The following COL19A1 variants were observed in gnomAD, a reference collection of about 807,000 sequenced individuals.
COL19A1 encodes collagen alpha-1(XIX) chain.
A neutral mutation model predicts 190.2 loss-of-function variants in COL19A1; 159 were observed. That is an observed-to-expected ratio of 0.84 (90% confidence interval 0.73 to 0.95). The LOEUF (loss-of-function observed/expected upper bound fraction) is 0.95. Ranked by LOEUF, COL19A1 falls within the 40% of genes least tolerant of loss-of-function variation. The pLI, the probability that COL19A1 is intolerant of heterozygous loss-of-function variation, is 0.00. For missense variants in COL19A1, 1,418 were observed against 1,431.9 expected, an observed-to-expected ratio of 0.99 and a Z score of 0.16; for synonymous variants, 509 against 458.9, an observed-to-expected ratio of 1.11 and a Z score of -1.39.
intron 14 of COL19A1, among the ~76,000 whole-genome samples, chr6:70,038,545 A>G (rs952609501): frequency 2.6e-5 from 4 of 152,248 alleles, no homozygotes; most frequent in African/African-American, 9.6e-5. Context: ...AAATGAAGTT[A>G]AGATTGAACC....
At chr6:69,886,471 C>T (rs1299710317) in intron 2 of COL19A1, among the ~76,000 whole-genome samples, 4 of 152,198 alleles carry the variant, frequency 2.6e-5, no homozygotes, top group African/African-American at 9.6e-5. Flanking sequence ...AGCAACCCCT[C>T]TTTTGGGTCT....
At chr6:70,092,002 G>A (rs1782959328) in intron 15 of COL19A1, among the ~76,000 whole-genome samples, 1 of 152,130 alleles carries the variant, frequency 6.6e-6, no homozygotes, top group South Asian at 2.1e-4. Flanking sequence ...TATGTCCCAA[G>A]TGTTCAGTTT....
intron 14 of COL19A1, among the ~76,000 whole-genome samples, chr6:70,049,649 A>G (rs1780091121): frequency 6.6e-6 from 1 of 152,050 alleles, no homozygotes; most frequent in Non-Finnish European, 1.5e-5. Flanking sequence ...TTAAACCTCA[A>G]TCAGTAAAAC....
At chr6:69,937,771 A>G (rs1371455533) in intron 8 of COL19A1, among the ~76,000 whole-genome samples, 1 of 152,162 alleles carries the variant, frequency 6.6e-6, no homozygotes, top group East Asian at 1.9e-4. Flanking sequence ...TCGGGGGTCC[A>G]TAGAGAAACA....
In COL19A1 at chr6:69,935,457, G is replaced by A. The variant is rs551686174; in HGVS notation, c.748-1328G>A. ...ACTGGAAAGCCATGAGGTAAGAACT[G>A]GCTGAAACATCATATCAAATCAAAT... On this transcript the variant is annotated intron_variant, in intron 7 of 50. Coordinates refer to ENST00000620364, the MANE Select transcript of COL19A1 (RefSeq NM_001858.6). 5.9e-5 allele frequency among the ~76,000 whole-genome samples: 9 copies of A among 152,112 alleles called. No individual in the cohort carries two copies. The South Asian group carries it at 1.9e-3, about 32-fold the overall frequency.
chr6:70,168,797 G>T (rs1765324931), intron 40 of COL19A1, 116 bp downstream of exon 40: 1 of 1,055,138 alleles, frequency 9.5e-7, no homozygotes, highest in Non-Finnish European at 1.4e-6. Context: ...TAACATGCTG[G>T]TGGTGACAAG....
intron 15 of COL19A1, among the ~76,000 whole-genome samples, chr6:70,087,615 C>A (rs1241981011): frequency 6.6e-6 from 1 of 152,142 alleles, no homozygotes; most frequent in Non-Finnish European, 1.5e-5. Flanking sequence ...GTTGTAAAAT[C>A]TAGACTGTTC....
rs938381122 is a variant in COL19A1, at chr6:70,211,221, A to G, written c.*3947A>G. Among the ~76,000 whole-genome samples, 1 of 152,106 alleles carries G rather than the reference A, an allele frequency of 6.6e-6. No individual in the cohort carries two copies. The highest frequency in any genetic ancestry group is 6.5e-5 in the Admixed American group (1 of 15,280). ...TATTTACAAAAGTACAATTAGAAAC[A>G]CTGTTTTTTTTAAGTACCGTTTTTA... On this transcript the variant is annotated 3_prime_UTR_variant, in exon 51 of 51. Transcript: ENST00000620364.
At chr6:69,888,568 A>C (rs1769104723) in intron 2 of COL19A1, among the ~76,000 whole-genome samples, 1 of 152,112 alleles carries the variant, frequency 6.6e-6, no homozygotes, top group South Asian at 2.1e-4. Context: ...AGATGGGCAG[A>C]TTGCCTGAGG....
intron 16 of COL19A1, among the ~76,000 whole-genome samples, chr6:70,118,549 G>A (rs1784713011): frequency 6.6e-6 from 1 of 152,104 alleles, no homozygotes; most frequent in African/African-American, 2.4e-5. Flanking sequence ...CTTGCAATTT[G>A]TGGTACCCAA....
At chr6:69,949,239 T>G (rs1182961992) in intron 9 of COL19A1, among the ~76,000 whole-genome samples, 1 of 151,784 alleles carries the variant, frequency 6.6e-6, no homozygotes, top group Non-Finnish European at 1.5e-5. Context: ...TACTTAGTGG[T>G]TAATATCCTT....
At chr6:69,879,505 C>T in intron 1 of COL19A1, 31 bp from the exon 2 acceptor site, 2 of 1,387,026 alleles carry the variant, frequency 1.4e-6, no homozygotes, top group South Asian at 2.4e-5. Flanking sequence ...ATACAATAAA[C>T]TTTATTCAAA....
At chr6:69,959,123 C>T (rs1189556737) in intron 9 of COL19A1, among the ~76,000 whole-genome samples, 1 of 152,140 alleles carries the variant, frequency 6.6e-6, no homozygotes, top group Non-Finnish European at 1.5e-5. Flanking sequence ...AAGAGTATCT[C>T]ATTCTAGCCT....
chr6:69,879,571 A>G lies in COL19A1; in HGVS notation c.4A>G (p.Arg2Gly), dbSNP rs755940071. Residue 2 changes from arginine (R) to glycine (G), a missense_variant, in exon 2 of 51, where the codon AGA becomes GGA. By Grantham distance (125) the Arg-to-Gly change is moderately radical. Transcript: ENST00000620364. M[R>G]LTGPWKLWLW... ...GTTCACATGGTTTCAAGGCACAATG[A>G]GACTCACTGGCCCTTGGAAACTTTG... 6.2e-7 allele frequency: 1 copy of G among 1,613,886 alleles called. No homozygotes were observed. The highest frequency in any genetic ancestry group is 8.5e-7 in the Non-Finnish European group (1 of 1,179,910).
At chr6:70,133,470 A>G (rs1011522084) in intron 18 of COL19A1, among the ~76,000 whole-genome samples, 13 of 152,226 alleles carry the variant, frequency 8.5e-5, no homozygotes, top group Non-Finnish European at 1.9e-4. Context: ...GAAATGAACG[A>G]TCCCTGCTCT....
At position 69,888,828 on chromosome 6, in the gene COL19A1, C is replaced by T. The variant is rs559945197; in HGVS notation, c.91+9170C>T. On this transcript the variant is annotated intron_variant, in intron 2 of 50. Coordinates refer to ENST00000620364, the MANE Select transcript of COL19A1 (RefSeq NM_001858.6). ...TCCCATTTTTTCTTGTTTATTCACA[C>T]TTCTGTATTATTTTTGTTTTATTCT... Among the ~76,000 whole-genome samples the T allele has an allele frequency of 1.4e-3, 205 of 149,516 alleles. 1 individual carries two copies. The highest frequency in any genetic ancestry group is 7.0e-3 in the Middle Eastern group (2 of 286).
chr6:70,146,583 A>G, intron 25 of COL19A1, 76 bp from the exon 26 acceptor site: 6 of 1,106,966 alleles, frequency 5.4e-6, no homozygotes, highest in South Asian at 1.7e-5. Context: ...GTGATGAAAC[A>G]TATTTTAGTT....
intron 25 of COL19A1, among the ~76,000 whole-genome samples, chr6:70,145,743 C>G (rs1583021161): frequency 1.9e-5 from 1 of 53,860 alleles, no homozygotes; most frequent in African/African-American, 8.0e-5. Flanking sequence ...TTTTTTGAGA[C>G]AGGGTCTTAA....
intron 48 of COL19A1, among the ~76,000 whole-genome samples, chr6:70,195,157 A>ATATATATG (rs1195680267): frequency 1.4e-5 from 2 of 147,756 alleles, no homozygotes; most frequent in African/African-American, 4.9e-5. Context: ...ATATATATAT[A>ATATATATG]TATATAAAGA....
Sources: gnomAD v4.1 joint callset for allele counts (sites outside exome capture counted in the v4.1 genomes callset) on GRCh38, gnomAD v4.1.1 for gene constraint, MANE v1.5 for transcripts, NCBI Gene and HGNC (gene_info 2026-07-23, HGNC 2026-07-21) for gene names.